Variants in GRID1 observed in about 807,000 individuals in gnomAD.
The protein encoded by GRID1 is glutamate receptor ionotropic, delta-1.
Under a neutral mutation model 98.0 loss-of-function variants are expected in GRID1, and 28 were observed. That is an observed-to-expected ratio of 0.29 (90% confidence interval 0.21 to 0.39). The LOEUF is 0.39. GRID1 is among the 10% of genes least tolerant of loss of function. GRID1 has a pLI of 1.00. For synonymous variants in GRID1, 553 were observed against 538.5 expected (o/e 1.03, Z -0.37); for missense variants, 1,111 against 1,340.5 (o/e 0.83, Z 2.67).
chr10:86,227,187 A>G (rs1287271908), intron 2 of GRID1, among the ~76,000 whole-genome samples: 1 of 152,214 alleles, frequency 6.6e-6, no homozygotes, highest in African/African-American at 2.4e-5. Context: ...GCCTGGGGAA[A>G]GGAGAAGCCT....
At chr10:85,684,922 G>A (rs1389608814) in intron 12 of GRID1, among the ~76,000 whole-genome samples, 8 of 152,078 alleles carry the variant, frequency 5.3e-5, no homozygotes. Flanking sequence ...TTTGCATTAG[G>A]GCTCCAGCCA....
At chr10:85,961,914 GAAGAAAAGAAGA>G (rs1257239368) in intron 4 of GRID1, among the ~76,000 whole-genome samples, 2 of 151,834 alleles carry the variant, frequency 1.3e-5, no homozygotes, top group African/African-American at 4.8e-5. Flanking sequence ...AAGAACAAAG[GAAGAAAAGAAGA>G]AAGAAAAGAA....
intron 3 of GRID1, among the ~76,000 whole-genome samples, chr10:86,166,512 G>C (rs189250190): frequency 6.6e-6 from 1 of 152,300 alleles, no homozygotes; most frequent in Admixed American, 6.5e-5. Flanking sequence ...TTCTCACCTA[G>C]TCCTCAGGAG....
intron 4 of GRID1, among the ~76,000 whole-genome samples, chr10:85,934,368 A>G (rs1841898044): frequency 6.6e-6 from 1 of 151,574 alleles, no homozygotes; most frequent in African/African-American, 2.4e-5. Context: ...TGCCCAAAGT[A>G]TGCCCCAAAA....
intron 12 of GRID1, among the ~76,000 whole-genome samples, chr10:85,680,659 AG>A (rs1441513951): frequency 1.3e-5 from 2 of 152,218 alleles, no homozygotes; most frequent in Non-Finnish European, 2.9e-5. Flanking sequence ...TATATCAAAA[AG>A]ATATGTGCAC....
At position 85,973,104 on chromosome 10, in the gene GRID1, G is replaced by A. The variant is rs188871080; in HGVS notation, c.727-56865C>T. The stretch of plus-strand genomic sequence containing the variant: ...AGGTGAACTGAACCTTATTCATTCC[G>A]ATGTCACTTGTTCATTCATACCTTT... On this transcript the variant is annotated intron_variant, in intron 4 of 15. Transcript: ENST00000327946. 2.9e-3 allele frequency among the ~76,000 whole-genome samples: 448 copies of A among 152,280 alleles called. 4 individuals carry two copies. Among genetic ancestry groups the A allele is most frequent in the African/African-American group, 1.0e-2 (415 of 41,574 alleles).
intron 13 of GRID1, among the ~76,000 whole-genome samples, chr10:85,624,968 G>A (rs1305996593): frequency 1.3e-5 from 2 of 152,010 alleles, no homozygotes; most frequent in Non-Finnish European, 2.9e-5. Context: ...GTAACAGATA[G>A]TAATATAAAG....
At chr10:85,620,712 C>G (rs977106429) in intron 13 of GRID1, among the ~76,000 whole-genome samples, 1 of 152,174 alleles carries the variant, frequency 6.6e-6, no homozygotes, top group Non-Finnish European at 1.5e-5. Flanking sequence ...TATGCACATG[C>G]CTGCACACAC....
chr10:86,058,871 A>G (rs536647259), intron 4 of GRID1, among the ~76,000 whole-genome samples: 2 of 152,338 alleles, frequency 1.3e-5, no homozygotes, highest in African/African-American at 4.8e-5. Context: ...GGGAGGACAC[A>G]TGCATCAATC....
intron 2 of GRID1, among the ~76,000 whole-genome samples, chr10:86,284,724 G>A (rs11812565): frequency 1.8e-3 from 269 of 152,360 alleles, no homozygotes; most frequent in Middle Eastern, 6.8e-3. Flanking sequence ...CTCAGTAAAC[G>A]TGGATGCTGT....
In GRID1 at chr10:85,684,688, C is replaced by T. The variant is rs571150924; in HGVS notation, c.1998-37291G>A. Among the ~76,000 whole-genome samples the T allele has an allele frequency of 9.2e-5, 14 of 152,104 alleles. No homozygotes were observed. In the South Asian group the frequency reaches 2.9e-3, roughly 32 times the overall value. On this transcript the variant is annotated intron_variant, in intron 12 of 15. Coordinates refer to ENST00000327946, the MANE Select transcript of GRID1 (RefSeq NM_017551.3). ...AGAGAAGAAACAAAATGCATAAGTCCACCATACTATTTAGCTCAGGCTGCC... is the reference window on the plus strand; with the variant it reads ...AGAGAAGAAACAAAATGCATAAGTCTACCATACTATTTAGCTCAGGCTGCC...
At chr10:85,648,682 G>A (rs1343519722) in intron 12 of GRID1, among the ~76,000 whole-genome samples, 2 of 152,156 alleles carry the variant, frequency 1.3e-5, no homozygotes, top group Admixed American at 6.5e-5. Context: ...CCAGGCCACA[G>A]TGCTCCCTCT....
At chr10:85,927,031 AC>A (rs1841783358) in intron 4 of GRID1, among the ~76,000 whole-genome samples, 1 of 152,090 alleles carries the variant, frequency 6.6e-6, no homozygotes, top group African/African-American at 2.4e-5. Context: ...CTAAATCATC[AC>A]CCACTTACCT....
chr10:85,613,315 T>C, intron 15 of GRID1, 92 bp downstream of exon 15: 1 of 1,276,250 alleles, frequency 7.8e-7, no homozygotes, highest in South Asian at 1.5e-5. Context: ...CTCAGGTAAA[T>C]ACTAACTAGA....
chr10:86,344,810 G>A (rs1004185410), intron 2 of GRID1, among the ~76,000 whole-genome samples: 19 of 152,146 alleles, frequency 1.2e-4, no homozygotes, highest in Non-Finnish European at 2.8e-4. Flanking sequence ...GGCATCCCTG[G>A]GCAGCCCTCA....
At chr10:86,196,634 A>T (rs1279525585) in intron 3 of GRID1, among the ~76,000 whole-genome samples, 1 of 152,060 alleles carries the variant, frequency 6.6e-6, no homozygotes, top group African/African-American at 2.4e-5. Context: ...TGTGATTCAT[A>T]TGTGTTTTGT....
At chr10:85,824,046 A>G (rs1390194658) in intron 8 of GRID1, among the ~76,000 whole-genome samples, 1 of 152,248 alleles carries the variant, frequency 6.6e-6, no homozygotes, top group African/African-American at 2.4e-5. Context: ...AAGTGTGTGA[A>G]TAAGTATAAC....
intron 12 of GRID1, among the ~76,000 whole-genome samples, chr10:85,717,382 T>C (rs1282022357): frequency 1.3e-5 from 2 of 151,548 alleles, no homozygotes; most frequent in Non-Finnish European, 2.9e-5. Context: ...CTCAGAATCA[T>C]GATGGGAGGC....
At chr10:86,091,772 C>T (rs1258811231) in intron 4 of GRID1, among the ~76,000 whole-genome samples, 1 of 152,174 alleles carries the variant, frequency 6.6e-6, no homozygotes, top group Non-Finnish European at 1.5e-5. Context: ...TTGCTGGTAT[C>T]CATAGCTGAG....
Sources: allele counts gnomAD v4.1 joint callset (sites outside exome capture counted in the v4.1 genomes callset), GRCh38; gene constraint gnomAD v4.1.1; transcripts MANE v1.5; gene names NCBI Gene and HGNC (gene_info 2026-07-23, HGNC 2026-07-21).